Variants in ZNF263 observed in about 807,000 individuals in gnomAD.
ZNF263 encodes zinc finger protein FPM315.
ZNF263 carries 49 observed loss-of-function variants against 63.1 expected under a neutral mutation model. The observed-to-expected ratio is 0.78, with a 90% CI of 0.62 to 0.99. The LOEUF (loss-of-function observed/expected upper bound fraction) is 0.99. Among genes scored for constraint, ZNF263 ranks in the 50% least tolerant of loss-of-function variants. The pLI, the probability that ZNF263 is intolerant of heterozygous loss-of-function variation, is 0.00. For synonymous variants in ZNF263, 352 were observed against 324.2 expected (o/e 1.09, Z -0.92); for missense variants, 872 against 854.8 (o/e 1.02, Z -0.25).
At chr16:3,295,884 T>TA (rs1428674409), downstream of ZNF263, among the ~76,000 whole-genome samples, 1 of 152,188 alleles carries the variant, frequency 6.6e-6, no homozygotes, top group Non-Finnish European at 1.5e-5. Flanking sequence ...GAGACCCGTC[T>TA]AAAATCTCGT....
rs755874777 is a variant in ZNF263 at position 3,286,068 on chromosome 16, G to A, written c.688G>A (p.Glu230Lys). 1 of 1,612,926 alleles carries A rather than the reference G, an allele frequency of 6.2e-7. No homozygotes were observed. The highest frequency in any genetic ancestry group is 1.7e-5 in the Admixed American group (1 of 59,572). Residue 230 changes from glutamate (E) to lysine (K), a missense_variant, in exon 4 of 6, where the codon GAG becomes AAG. Physicochemically the swap from Glu to Lys is moderately conservative, Grantham distance 56 (BLOSUM62 1). Transcript: ENST00000219069. ...EDVAMYISQE[E>K]WGHQDPSKRA... ...CGTGGCAATGTACATCTCCCAGGAGGAGTGGGGGCATCAGGATCCTAGTAA... is the reference window on the plus strand; with the variant it reads ...CGTGGCAATGTACATCTCCCAGGAGAAGTGGGGGCATCAGGATCCTAGTAA...
In ZNF263 at chr16:3,290,336, A is replaced by T; in HGVS notation, c.1830A>T (p.Glu610Asp). 1 of 1,614,008 alleles carries T rather than the reference A, an allele frequency of 6.2e-7. No individual in the cohort carries two copies. Among genetic ancestry groups the T allele is most frequent in the African/African-American group, 1.3e-5 (1 of 74,984 alleles). The change falls in exon 6 of 6, where the codon GAA becomes GAT. Residue 610 changes from glutamate to aspartate, a missense_variant. Transcript: ENST00000219069. Reference protein sequence around the residue: ...EKPYKCTLCGENFSHRSNLIR... With the variant: ...EKPYKCTLCGDNFSHRSNLIR... ...CGTATAAATGTACCCTTTGTGGGGA[A>T]AACTTCTCTCATAGATCCAATTTAA...
chr16:3,292,350 A>G (rs930391682), downstream of ZNF263, among the ~76,000 whole-genome samples: 1 of 152,148 alleles, frequency 6.6e-6, no homozygotes, highest in Non-Finnish European at 1.5e-5. Flanking sequence ...GTTTTTTAAT[A>G]TCTCACTATT....
intron 1 of ZNF263, among the ~76,000 whole-genome samples, chr16:3,298,171 G>GT (rs1959817108): frequency 1.3e-5 from 2 of 152,118 alleles, no homozygotes; most frequent in South Asian, 4.1e-4. Context: ...AAATAGTGCC[G>GT]TATGATGGTT....
chr16:3,290,819 C>T lies in ZNF263; in HGVS notation c.*261C>T, dbSNP rs1162322976. The T allele has an allele frequency of 8.1e-7, 1 of 1,231,656 alleles. No homozygotes were observed. The highest frequency in any genetic ancestry group is 1.5e-5 in the African/African-American group (1 of 65,632). 76.3% of individuals were successfully genotyped at this position (1,231,656 alleles called of 1,614,324 possible). On this transcript the variant is annotated 3_prime_UTR_variant, in exon 6 of 6. Coordinates refer to ENST00000219069, the MANE Select transcript of ZNF263 (RefSeq NM_005741.5). ...GTTAAGTCCACCCTGCCCCAGGGTGCTCCTACCCTCTTGGTCTTTTTAAAG... is the reference window on the plus strand; with the variant it reads ...GTTAAGTCCACCCTGCCCCAGGGTGTTCCTACCCTCTTGGTCTTTTTAAAG...
chr16:3,300,801 G>C (rs1452113735), intron 2 of ZNF263: 1 of 1,011,006 alleles, frequency 9.9e-7, no homozygotes, highest in Non-Finnish European at 1.4e-6. Context: ...AGAGGTGGAG[G>C]TCTTATGCAC....
At chr16:3,298,993 C>T (rs763345902) in intron 1 of ZNF263, 1 of 1,306,990 alleles carries the variant, frequency 7.7e-7, no homozygotes, top group Non-Finnish European at 9.9e-7. Flanking sequence ...AGTTGAAGGC[C>T]CACTGAAGGA....
At chr16:3,284,288 A>C in intron 1 of ZNF263, 83 bp downstream of exon 1, 3 of 1,457,902 alleles carry the variant, frequency 2.1e-6, no homozygotes, top group Admixed American at 2.4e-5. Flanking sequence ...GAATTCAAGT[A>C]AATTGCCCTG....
chr16:3,300,005 T>G lies in ZNF263; in HGVS notation c.*46+849T>G. ...GCAGACAACCTTTCTTTGTTTATTT[T>G]CTTCCCTGGTAGGCAGATATCTTTC... On this transcript the variant is annotated intron_variant, in intron 2 of 2. Coordinates refer to the ZNF263 transcript ENST00000574674. 6.2e-7 allele frequency: 1 copy of G among 1,614,212 alleles called. No individual in the cohort carries two copies. Among genetic ancestry groups the G allele is most frequent in the Non-Finnish European group, 8.5e-7 (1 of 1,180,038 alleles).
At chr16:3,286,203 G>A in intron 4 of ZNF263, 54 bp downstream of exon 4, 1 of 1,530,398 alleles carries the variant, frequency 6.5e-7, no homozygotes, top group Non-Finnish European at 8.7e-7. Context: ...CCAGGGTCCT[G>A]CCCGTTATTC....
intron 4 of ZNF263, 135 bp downstream of exon 4, chr16:3,286,284 T>A: frequency 7.5e-7 from 1 of 1,332,974 alleles, no homozygotes; most frequent in Non-Finnish European, 1.0e-6. Flanking sequence ...TTGTCTAAAG[T>A]CCCCTGTACG....
At chr16:3,292,104 T>A (rs1959626607), downstream of ZNF263, among the ~76,000 whole-genome samples, 1 of 152,124 alleles carries the variant, frequency 6.6e-6, no homozygotes, top group Non-Finnish European at 1.5e-5. Flanking sequence ...AGTGTGTATC[T>A]GTGGGAAACG....
intron 2 of ZNF263, chr16:3,300,660 A>T (rs1227344157): frequency 6.6e-7 from 1 of 1,523,040 alleles, no homozygotes; most frequent in Non-Finnish European, 8.8e-7. Context: ...CAAAGGGAAA[A>T]GCCTTAATGA....
At chr16:3,299,057 T>C (rs1959850749) in intron 1 of ZNF263, 1 of 1,402,800 alleles carries the variant, frequency 7.1e-7, no homozygotes, top group South Asian at 1.9e-5. Context: ...CTAGAATGGA[T>C]TTTACTCTGG....
Position 3,284,104 on chromosome 16 carries a change from G to A in ZNF263, c.286G>A (p.Glu96Lys), listed in dbSNP as rs1875876418. The change falls in exon 1 of 6, where the codon GAG (glutamate) becomes AAG (lysine). Residue 96 changes from glutamate to lysine, a missense_variant. Physicochemically the swap from Glu to Lys is moderately conservative, Grantham distance 56. Transcript: ENST00000219069. ...GCAGTTCCTGACCATCCTGCCCCAGGAGATCCAGAGCAGGGTGCAGGAGCT... is the reference window on the plus strand; with the variant it reads ...GCAGTTCCTGACCATCCTGCCCCAGAAGATCCAGAGCAGGGTGCAGGAGCT... ...LEQFLTILPQEIQSRVQELHP... is the reference protein window; with the variant it reads ...LEQFLTILPQKIQSRVQELHP... 1.2e-6 allele frequency: 2 copies of A among 1,613,198 alleles called. No homozygotes were observed. The highest frequency in any genetic ancestry group is 1.7e-5 in the Admixed American group (1 of 59,972).
Position 3,290,790 on chromosome 16 carries a change from C to T in ZNF263, c.*232C>T. ...TCTGAGGTGACCTCAGGGTGGAATTCTCTGTTAAGTCCACCCTGCCCCAGG... is the reference window on the plus strand; with the variant it reads ...TCTGAGGTGACCTCAGGGTGGAATTTTCTGTTAAGTCCACCCTGCCCCAGG... On this transcript the variant is annotated 3_prime_UTR_variant, in exon 6 of 6. Transcript: ENST00000219069. 1 of 1,329,586 alleles carries T rather than the reference C, an allele frequency of 7.5e-7. No individual in the cohort carries two copies. Among genetic ancestry groups the T allele is most frequent in the Admixed American group, 3.6e-5 (1 of 27,698 alleles). The allele number at this position is 1,329,586 out of a possible 1,614,324, so 82.4% of individuals were successfully genotyped here. A position where few individuals can be genotyped will look rare whatever the true frequency, so the allele number is the denominator to read the frequency against.
Position 3,290,344 on chromosome 16 carries a change from C to T in ZNF263, c.1838C>T (p.Ser613Phe), listed in dbSNP as rs986684390. The T allele has an allele frequency of 1.2e-6, 2 of 1,614,120 alleles. No individual in the cohort carries two copies. Among genetic ancestry groups the T allele is most frequent in the Non-Finnish European group, 1.7e-6 (2 of 1,180,010 alleles). The change falls in exon 6 of 6, where the codon TCT (serine) becomes TTT (phenylalanine). Residue 613 changes from serine (S) to phenylalanine (F), a missense_variant. Coordinates refer to ENST00000219069, the MANE Select transcript of ZNF263 (RefSeq NM_005741.5). ...TGTACCCTTTGTGGGGAAAACTTCT[C>T]TCATAGATCCAATTTAATCAGGCAC... Reference protein sequence around the residue: ...YKCTLCGENFSHRSNLIRHQR... With the variant: ...YKCTLCGENFFHRSNLIRHQR...
At chr16:3,285,907 C>G (rs1959335085) in intron 3 of ZNF263, 116 bp from the exon 4 acceptor site, 3 of 1,574,866 alleles carry the variant, frequency 1.9e-6, no homozygotes, top group Non-Finnish European at 2.6e-6. Flanking sequence ...GGCCTGATAC[C>G]CTTCTTCCCC....
intron 5 of ZNF263, among the ~76,000 whole-genome samples, chr16:3,289,188 G>C (rs1959501077): frequency 6.6e-6 from 1 of 152,122 alleles, no homozygotes; most frequent in Non-Finnish European, 1.5e-5. Context: ...TTCTAAGACT[G>C]GTCTCGGCTC....
Sources: allele counts gnomAD v4.1 joint callset (sites outside exome capture counted in the v4.1 genomes callset), GRCh38; gene constraint gnomAD v4.1.1; transcripts MANE v1.5; gene names NCBI Gene and HGNC (gene_info 2026-07-23, HGNC 2026-07-21).